The following EHMT1 variants were observed in gnomAD, a reference collection of about 807,000 sequenced individuals.
EHMT1 encodes the protein histone-lysine N-methyltransferase EHMT1.
In EHMT1, 15 loss-of-function variants were observed where a neutral mutation model predicts 147.2. The ratio of observed to expected loss-of-function variants is 0.10; its 90% CI spans 0.07 to 0.16. The LOEUF (loss-of-function observed/expected upper bound fraction) is 0.16. Ranked by LOEUF, EHMT1 falls within the 10% of genes least tolerant of loss-of-function variation. The pLI, the probability that EHMT1 is intolerant of heterozygous loss-of-function variation, is 1.00. For synonymous variants in EHMT1, 795 were observed against 709.6 expected (o/e 1.12, Z -1.91); for missense variants, 1,587 against 1,772.4 (o/e 0.90, Z 1.88).
chr9:137,701,064 C>CA (rs1458916725), intron 1 of EHMT1, among the ~76,000 whole-genome samples: 1 of 152,112 alleles, frequency 6.6e-6, no homozygotes, highest in African/African-American at 2.4e-5. Flanking sequence ...AAGTGCTGCA[C>CA]ACTTTCCAAC....
intron 14 of EHMT1, among the ~76,000 whole-genome samples, chr9:137,781,116 T>TGTGATGACGACGCTGGGAC (rs1951459720): frequency 2.1e-4 from 1 of 4,764 alleles, no homozygotes; most frequent in African/African-American, 1.4e-3. Flanking sequence ...GACGCTGAGA[T>TGTGATGACGACGCTGGGAC]GTGTGGTGAT....
intron 2 of EHMT1, among the ~76,000 whole-genome samples, chr9:137,716,030 A>C (rs183793927): frequency 1.3e-4 from 17 of 132,018 alleles, no homozygotes; most frequent in Non-Finnish European, 2.3e-4. Flanking sequence ...GTGGTGTCAT[A>C]GGGGGAGGAA....
chr9:137,796,522 G>A (rs1952956823), intron 16 of EHMT1, among the ~76,000 whole-genome samples: 3 of 151,924 alleles, frequency 2.0e-5, no homozygotes, highest in Admixed American at 6.6e-5. Flanking sequence ...GGCTAACACA[G>A]TGAAACCCCG....
In EHMT1 at chr9:137,715,860, A is replaced by G. The variant is rs192513559; in HGVS notation, c.86-766A>G. 5 of 983,544 alleles carry G rather than the reference A, an allele frequency of 5.1e-6. No individual in the cohort carries two copies. In the African/African-American group the frequency reaches 7.0e-5, roughly 14 times the overall value. The allele number at this position is 983,544 out of a possible 1,614,324, so 60.9% of individuals were successfully genotyped here. On this transcript the variant is annotated intron_variant, in intron 2 of 26. Coordinates refer to ENST00000460843, the MANE Select transcript of EHMT1 (RefSeq NM_024757.5). ...TCCAAATAACACTCCATGTTTTATT[A>G]TAGCAGTGATTCCCCAAACTTAACC...
chr9:137,622,789 C>A (rs1843010908), intron 1 of EHMT1, among the ~76,000 whole-genome samples: 1 of 151,798 alleles, frequency 6.6e-6, no homozygotes, highest in Non-Finnish European at 1.5e-5. Context: ...TGCCTGTAGT[C>A]CCAGCTACTT....
At chr9:137,727,524 CG>C (rs1479862478) in intron 3 of EHMT1, among the ~76,000 whole-genome samples, 1 of 152,152 alleles carries the variant, frequency 6.6e-6, no homozygotes, top group Non-Finnish European at 1.5e-5. Context: ...TCAGTTCTCC[CG>C]GTACCATTTC....
At chr9:137,805,397 A>G (rs1472363385) in intron 18 of EHMT1, among the ~76,000 whole-genome samples, 1 of 152,182 alleles carries the variant, frequency 6.6e-6, no homozygotes, top group Non-Finnish European at 1.5e-5. Context: ...AGTCGTCCAC[A>G]TGTCAGAGTC....
intron 1 of EHMT1, among the ~76,000 whole-genome samples, chr9:137,649,417 G>A (rs1845144479): frequency 6.6e-6 from 1 of 151,894 alleles, no homozygotes; most frequent in African/African-American, 2.4e-5. Context: ...CTGAGATCGC[G>A]CCATTGCACT....
chr9:137,642,180 G>C (rs74880179), intron 1 of EHMT1, among the ~76,000 whole-genome samples: 1 of 152,134 alleles, frequency 6.6e-6, no homozygotes, highest in African/African-American at 2.4e-5. Context: ...TACTTTTCAT[G>C]TGGGACAGGT....
In EHMT1 at chr9:137,717,006, C is replaced by G. The variant is rs199913017; in HGVS notation, c.466C>G (p.Pro156Ala). 145 of 1,607,210 alleles carry G rather than the reference C, an allele frequency of 9.0e-5. No homozygotes were observed. Among genetic ancestry groups the G allele is most frequent in the Non-Finnish European group, 1.1e-4 (135 of 1,175,700 alleles). ...SLPGHAAKTLPGGAGKGRTPS... is the reference protein window; with the variant it reads ...SLPGHAAKTLAGGAGKGRTPS... ...GCCTGGCCATGCTGCAAAAACCCTT[C>G]CTGGAGGGGCTGGCAAAGGCAGGAC... The change falls in exon 3 of 27, where the codon CCT becomes GCT. Residue 156 changes from proline to alanine, a missense_variant. Physicochemically the swap from Pro to Ala is conservative, Grantham distance 27. This residue lies in a region of EHMT1 where 810 missense variants were observed against 673.0 expected (regional missense o/e 1.20). Transcript: ENST00000460843.
At chr9:137,797,273 G>A (rs1953039914) in intron 16 of EHMT1, among the ~76,000 whole-genome samples, 1 of 152,056 alleles carries the variant, frequency 6.6e-6, no homozygotes, top group Non-Finnish European at 1.5e-5. Context: ...CTGCAGCCCC[G>A]CTCTTTGCCA....
At chr9:137,800,508 T>TGGCCTGGGCTTACAA (rs1324545998) in intron 17 of EHMT1, 1 of 295,482 alleles carries the variant, frequency 3.4e-6, no homozygotes, top group African/African-American at 2.2e-5. Flanking sequence ...GCTCCGGGTC[T>TGGCCTGGGCTTACAA]GGCCTGGGCT....
intron 25 of EHMT1, among the ~76,000 whole-genome samples, chr9:137,833,628 G>C (rs1377678471): frequency 6.6e-6 from 1 of 152,230 alleles, no homozygotes; most frequent in Non-Finnish European, 1.5e-5. Flanking sequence ...CCCTCTCTAT[G>C]GTCAATTCAG....
At chr9:137,753,475 C>T (rs1464461176) in intron 7 of EHMT1, among the ~76,000 whole-genome samples, 1 of 152,218 alleles carries the variant, frequency 6.6e-6, no homozygotes, top group African/African-American at 2.4e-5. Context: ...CCGGTACCGT[C>T]CTCACGTGGG....
At chr9:137,701,625 A>ATTTTTTT (rs139537570) in intron 1 of EHMT1, among the ~76,000 whole-genome samples, 1 of 115,660 alleles carries the variant, frequency 8.6e-6, no homozygotes, top group Non-Finnish European at 1.8e-5. Context: ...TGCCTGGCTA[A>ATTTTTTT]TTTTTTTTTT....
intron 1 of EHMT1, among the ~76,000 whole-genome samples, chr9:137,669,509 C>T (rs1387875956): frequency 1.4e-5 from 2 of 145,524 alleles, no homozygotes; most frequent in African/African-American, 5.2e-5. Context: ...CCCAAGACGC[C>T]CCGCACAGCA....
chr9:137,743,286 T>A, intron 4 of EHMT1, 85 bp from the exon 5 acceptor site: 2 of 1,506,436 alleles, frequency 1.3e-6, no homozygotes, highest in Non-Finnish European at 1.8e-6. Context: ...TCAAGTTTTG[T>A]AAACTGTCTC....
chr9:137,661,057 C>T (rs1939023714), intron 1 of EHMT1, among the ~76,000 whole-genome samples: 2 of 152,172 alleles, frequency 1.3e-5, no homozygotes, highest in Admixed American at 1.3e-4. Context: ...AGAAACAATG[C>T]TAGTGGATGT....
intron 16 of EHMT1, among the ~76,000 whole-genome samples, chr9:137,797,400 GGCTTCCTTCACTAA>G (rs1439786227): frequency 1.3e-5 from 2 of 152,098 alleles, no homozygotes; most frequent in Non-Finnish European, 2.9e-5. Flanking sequence ...TGTGACAGCT[GGCTTCCTTCACTAA>G]GCTTCCTTTG....
Sources: gnomAD v4.1 joint callset for allele counts (sites outside exome capture counted in the v4.1 genomes callset) on GRCh38, gnomAD v4.1.1 for gene constraint, gnomAD v4.1.1 regional missense constraint, MANE v1.5 for transcripts, NCBI Gene and HGNC (gene_info 2026-07-23, HGNC 2026-07-21) for gene names.